Variants in SLC68A1 observed in about 807,000 individuals in gnomAD.
The protein encoded by SLC68A1 is solute carrier family 68 member 1.
chr10:102,472,738 G>A, the SLC68A1 span: 30 of 798,804 alleles, frequency 3.8e-5, no homozygotes, highest in East Asian at 4.9e-5. Context: ...GCCTGCTCTC[G>A]CTCTTGCTGC....
At chr10:102,472,981 G>A in the SLC68A1 span, 3 of 1,525,802 alleles carry the variant, frequency 2.0e-6, no homozygotes, top group Non-Finnish European at 2.7e-6. Flanking sequence ...CTTCATGCAA[G>A]CTGGAAGGAG....
the SLC68A1 span, chr10:102,472,959 G>A: frequency 0.52 from 827,772 of 1,606,380 alleles, 218,274 homozygotes; most frequent in Middle Eastern, 0.59. Context: ...GGGTGAGTGT[G>A]GACCTTGGGT....
chr10:102,475,838 C>CTGCTGG, the SLC68A1 span: 2 of 1,614,090 alleles, frequency 1.2e-6, no homozygotes, highest in Admixed American at 3.3e-5. Context: ...CTGCTTCTAC[C>CTGCTGG]TGCTGGTGCT....
chr10:102,469,761 G>C, the SLC68A1 span: 13 of 751,666 alleles, frequency 1.7e-5, no homozygotes, highest in South Asian at 1.2e-4. Flanking sequence ...TGGCCAGGCT[G>C]GTCTCAAACT....
At chr10:102,471,031 C>A in the SLC68A1 span, 1 of 1,613,680 alleles carries the variant, frequency 6.2e-7, no homozygotes, top group Non-Finnish European at 8.5e-7. Flanking sequence ...CTGGGCTGGG[C>A]TTTCTGGGGG....
the SLC68A1 span, chr10:102,469,929 G>C: frequency 1.1e-4 from 180 of 1,573,350 alleles, no homozygotes; most frequent in Admixed American, 3.4e-4. Flanking sequence ...GCAGGCTGAG[G>C]GGGGAGGAGC....
chr10:102,470,853 C>G, the SLC68A1 span: 1 of 1,613,444 alleles, frequency 6.2e-7, no homozygotes, highest in Non-Finnish European at 8.5e-7. Flanking sequence ...CACCACCATG[C>G]CTTGCTGGCC....
the SLC68A1 span, chr10:102,471,445 C>G: frequency 6.3e-7 from 1 of 1,593,016 alleles, no homozygotes; most frequent in Non-Finnish European, 8.6e-7. Context: ...GGACTTCACT[C>G]AAGGGGACAG....
chr10:102,474,712 A>T, the SLC68A1 span, among the ~76,000 whole-genome samples: 1 of 152,084 alleles, frequency 6.6e-6, no homozygotes, highest in Non-Finnish European at 1.5e-5. Flanking sequence ...CAGTGGCACG[A>T]TCTTGGCTCA....
chr10:102,471,072 C>G, the SLC68A1 span: 2 of 1,613,820 alleles, frequency 1.2e-6, no homozygotes, highest in Non-Finnish European at 1.7e-6. Context: ...CGGGTTGAGG[C>G]GGCCCGAAAG....
the SLC68A1 span, chr10:102,470,748 C>G: frequency 6.2e-7 from 1 of 1,613,846 alleles, no homozygotes; most frequent in Non-Finnish European, 8.5e-7. Context: ...CTGGCGCTGT[C>G]GTTCCTGGCG....
chr10:102,474,943 C>T, the SLC68A1 span, among the ~76,000 whole-genome samples: 4 of 151,918 alleles, frequency 2.6e-5, no homozygotes, highest in Non-Finnish European at 2.9e-5. Context: ...CCACCACGCC[C>T]GGCCAGGGAG....
chr10:102,469,057 T>G, the SLC68A1 span: 1 of 1,613,830 alleles, frequency 6.2e-7, no homozygotes, highest in Non-Finnish European at 8.5e-7. Flanking sequence ...CCAGGCCTGG[T>G]TGCTGGGTCT....
chr10:102,470,539 G>C, the SLC68A1 span: 10 of 1,460,564 alleles, frequency 6.8e-6, no homozygotes, highest in Admixed American at 2.2e-5. Flanking sequence ...TTAGGGGACA[G>C]TGGCACCACC....
At chr10:102,465,131 G>A in the SLC68A1 span, among the ~76,000 whole-genome samples, 2 of 151,840 alleles carry the variant, frequency 1.3e-5, no homozygotes, top group Non-Finnish European at 2.9e-5. Flanking sequence ...GGTGGCGTGC[G>A]CCTGTAAATC....
chr10:102,473,061 A>G, the SLC68A1 span: 6 of 871,416 alleles, frequency 6.9e-6, no homozygotes, highest in Admixed American at 5.8e-5. Flanking sequence ...TTCCCGACCC[A>G]GTGATCCACC....
the SLC68A1 span, chr10:102,470,843 C>T: frequency 6.2e-7 from 1 of 1,613,538 alleles, no homozygotes; most frequent in Non-Finnish European, 8.5e-7. Context: ...CGTGGACCTG[C>T]ACCACCATGC....
the SLC68A1 span, among the ~76,000 whole-genome samples, chr10:102,474,191 T>TATTC: frequency 6.6e-6 from 1 of 152,250 alleles, no homozygotes; most frequent in African/African-American, 2.4e-5. Flanking sequence ...TTCATTCATT[T>TATTC]ATTCATTCAT....
At chr10:102,475,913 C>T in the SLC68A1 span, 22 of 1,613,642 alleles carry the variant, frequency 1.4e-5, no homozygotes, top group Middle Eastern at 1.6e-4. Flanking sequence ...GCATGGGAGA[C>T]GCCTGCACAT....
Sources: allele counts gnomAD v4.1 joint callset (sites outside exome capture counted in the v4.1 genomes callset), GRCh38; gene constraint gnomAD v4.1.1; transcripts MANE v1.5; gene names NCBI Gene and HGNC (gene_info 2026-07-23, HGNC 2026-07-21).